SDK2: variants seen among roughly 807,000 people sequenced by gnomAD.
The protein encoded by SDK2 is protein sidekick-2.
In SDK2, 105 loss-of-function variants were observed where a neutral mutation model predicts 253.9. The ratio of observed to expected loss-of-function variants is 0.41; its 90% CI spans 0.35 to 0.49. The LOEUF is 0.49. Ranked by LOEUF, SDK2 falls within the 20% of genes least tolerant of loss-of-function variation. SDK2 has a pLI of 0.06. For synonymous variants in SDK2, 1,249 were observed against 1,234.9 expected (o/e 1.01, Z -0.24); for missense variants, 2,608 against 3,003.0 (o/e 0.87, Z 3.07).
chr17:73,445,203 A>G (rs2063444883), intron 5 of SDK2, among the ~76,000 whole-genome samples: 1 of 152,236 alleles, frequency 6.6e-6, no homozygotes, highest in Non-Finnish European at 1.5e-5. Flanking sequence ...AACCAATGGA[A>G]GATATCCCAT....
intron 1 of SDK2, among the ~76,000 whole-genome samples, chr17:73,562,972 C>T (rs747668821): frequency 2.0e-5 from 3 of 152,186 alleles, no homozygotes; most frequent in South Asian, 2.1e-4. Context: ...CAGTCTGACT[C>T]GGACCTGGGC....
chr17:73,537,572 T>G (rs2044798047), intron 1 of SDK2, among the ~76,000 whole-genome samples: 2 of 145,370 alleles, frequency 1.4e-5, no homozygotes, highest in African/African-American at 2.5e-5. Context: ...GCCTGGAGGG[T>G]GGGGGCTGGG....
intron 2 of SDK2, among the ~76,000 whole-genome samples, chr17:73,483,661 GTATATATA>G (rs61050632): frequency 0.069 from 4,802 of 70,042 alleles, 668 homozygotes; most frequent in East Asian, 0.2. Context: ...GTGTGTGTGT[GTATATATA>G]TATATATATA....
At position 73,337,503 on chromosome 17, in the gene SDK2, A is replaced by ATGTGTGTGTG. The variant is rs4035979; in HGVS notation, c.*1074_*1083dup. ...CCTGTTCCTTGTAAGTGCATGGGAG[A>ATGTGTGTGTG]TGTGTGTGTGTGTGTGTGTGTGGTG... On this transcript the variant is annotated 3_prime_UTR_variant, in exon 45 of 45. Coordinates refer to ENST00000392650, the MANE Select transcript of SDK2 (RefSeq NM_001144952.2). 6.7e-5 allele frequency: 10 copies of ATGTGTGTGTG among 148,194 alleles called. No homozygotes were observed. Among genetic ancestry groups the ATGTGTGTGTG allele is most frequent in the African/African-American group, 2.5e-4 (10 of 40,232 alleles). The allele number at this position is 148,194 out of a possible 1,614,324, so 9.2% of individuals were successfully genotyped here. A position where few individuals can be genotyped will look rare whatever the true frequency, so the allele number is the denominator to read the frequency against.
At position 73,402,153 on chromosome 17, in the gene SDK2, C is replaced by T. The variant is rs1372219929; in HGVS notation, c.2485-12G>A. 1.2e-6 allele frequency: 2 copies of T among 1,610,162 alleles called. No individual in the cohort carries two copies. The highest frequency in any genetic ancestry group is 3.3e-5 in the Admixed American group (2 of 59,914). On this transcript the variant is annotated splice_polypyrimidine_tract_variant and intron_variant, in intron 18 of 44. Transcript: ENST00000392650. ...TCCCAGGCGATCAGCTGCGGAGAGG[C>T]GAGCAAGTCACACAGGGCAGCAGGA...
chr17:73,497,378 C>G (rs1344457398), intron 2 of SDK2, among the ~76,000 whole-genome samples: 2 of 152,206 alleles, frequency 1.3e-5, no homozygotes, highest in African/African-American at 2.4e-5. Flanking sequence ...GGTGGGACCA[C>G]AGAGCCCTTT....
chr17:73,431,411 G>A lies in SDK2; in HGVS notation c.1480+91C>T. On this transcript the variant is annotated intron_variant, in intron 11 of 44. Coordinates refer to ENST00000392650, the MANE Select transcript of SDK2 (RefSeq NM_001144952.2). This position sits in a 1 kb window ranked among gnomAD's most constrained non-coding sequence, Gnocchi z 5.6. ...ATGGAGACACTGGTGGTATGAGCCT[G>A]TGCCCCGTAGCTGTCCTGAGTCCTC... 1 of 1,285,438 alleles carries A rather than the reference G, an allele frequency of 7.8e-7. No individual in the cohort carries two copies. Among genetic ancestry groups the A allele is most frequent in the Non-Finnish European group, 1.1e-6 (1 of 935,660 alleles). 79.6% of individuals were successfully genotyped at this position (1,285,438 alleles called of 1,614,324 possible). A position where few individuals can be genotyped will look rare whatever the true frequency, so the allele number is the denominator to read the frequency against.
In SDK2 at chr17:73,644,224, T is replaced by C. The variant is rs1022748217; in HGVS notation, c.-136A>G. 60 of 715,782 alleles carry C rather than the reference T, an allele frequency of 8.4e-5. No individual in the cohort carries two copies. The African/African-American group carries it at 1.0e-3, about 12-fold the overall frequency. 44.3% of individuals were successfully genotyped at this position (715,782 alleles called of 1,614,324 possible). A position where few individuals can be genotyped will look rare whatever the true frequency, so the allele number is the denominator to read the frequency against. ...CGCGGCTCCGTGCCCCGGGGTGTAATATGCCCGGGAGGGGCAGCGCTTGGC... is the reference window on the plus strand; with the variant it reads ...CGCGGCTCCGTGCCCCGGGGTGTAACATGCCCGGGAGGGGCAGCGCTTGGC... On this transcript the variant is annotated 5_prime_UTR_variant, in exon 1 of 45. It adds an upstream start codon to the 5' untranslated region. Coordinates refer to ENST00000392650, the MANE Select transcript of SDK2 (RefSeq NM_001144952.2). This position sits in a 1 kb window ranked among gnomAD's most constrained non-coding sequence, Gnocchi z 6.3.
Position 73,447,468 on chromosome 17 carries a change from TC to T in SDK2, c.613+146del, listed in dbSNP as rs1484724875. 8.5e-7 allele frequency: 1 copy of T among 1,171,546 alleles called. No homozygotes were observed. The highest frequency in any genetic ancestry group is 1.2e-6 in the Non-Finnish European group (1 of 826,374). 72.6% of individuals were successfully genotyped at this position (1,171,546 alleles called of 1,614,324 possible). On this transcript the variant is annotated intron_variant, in intron 5 of 44. Transcript: ENST00000392650. The surrounding 1 kb of genome is among the most constrained non-coding windows in gnomAD (Gnocchi z 4.0). Reference sequence around the variant, plus strand: ...GCACCCCTGGCTCTGCTGTGTCTCGTCCTCCTTGGGAAGGCTCCCCCCGGCC... The same window carrying T: ...GCACCCCTGGCTCTGCTGTGTCTCGTCTCCTTGGGAAGGCTCCCCCCGGCC...
chr17:73,486,480 T>C (rs2063769985), intron 2 of SDK2, among the ~76,000 whole-genome samples: 1 of 151,890 alleles, frequency 6.6e-6, no homozygotes, highest in Non-Finnish European at 1.5e-5. Flanking sequence ...TGTGGAGGTA[T>C]GTGCTTGTAG....
chr17:73,398,508 C>T (rs752222365), intron 22 of SDK2, 79 bp from the exon 23 acceptor site: 12 of 1,269,286 alleles, frequency 9.5e-6, no homozygotes, highest in Non-Finnish European at 1.3e-5. Flanking sequence ...ACAAGCCCTG[C>T]CAGGGAAGAA....
chr17:73,561,381 G>C (rs1461514991), intron 1 of SDK2, among the ~76,000 whole-genome samples: 7 of 152,230 alleles, frequency 4.6e-5, no homozygotes, highest in Non-Finnish European at 8.8e-5. Flanking sequence ...AGGGTAGGGA[G>C]AGAAGACGTC....
At chr17:73,371,074 TA>T (rs1212059396) in intron 36 of SDK2, among the ~76,000 whole-genome samples, 4 of 151,974 alleles carry the variant, frequency 2.6e-5, no homozygotes, top group African/African-American at 9.7e-5. Context: ...TAAAATAACA[TA>T]AAAATAACGA....
At chr17:73,372,497 A>G (rs559310747) in intron 36 of SDK2, among the ~76,000 whole-genome samples, 1 of 152,314 alleles carries the variant, frequency 6.6e-6, no homozygotes, top group South Asian at 2.1e-4. Context: ...GCACCATTAT[A>G]ATCACGAACC....
chr17:73,355,685 T>C (rs749805202), intron 40 of SDK2, among the ~76,000 whole-genome samples: 6 of 152,104 alleles, frequency 3.9e-5, no homozygotes, highest in Non-Finnish European at 7.4e-5. Context: ...TCTTTCCCCT[T>C]TGCTGGCTGT....
intron 1 of SDK2, among the ~76,000 whole-genome samples, chr17:73,515,009 T>C (rs2064013305): frequency 6.6e-6 from 1 of 152,198 alleles, no homozygotes; most frequent in Non-Finnish European, 1.5e-5. Context: ...TCCAAACTTC[T>C]AGTCTTGCTG....
At chr17:73,402,286 T>C in intron 18 of SDK2, 145 bp from the exon 19 acceptor site, 1 of 826,006 alleles carries the variant, frequency 1.2e-6, no homozygotes, top group Non-Finnish European at 1.9e-6. Context: ...GGACAGGCAG[T>C]GCAGGGAACC....
In SDK2 at chr17:73,361,819, C is replaced by T. The variant is rs143420601; in HGVS notation, c.5332G>A (p.Val1778Met). The T allele has an allele frequency of 6.6e-5, 105 of 1,602,958 alleles. No individual in the cohort carries two copies. The African/African-American group carries it at 1.2e-3, about 18-fold the overall frequency. Residue 1778 changes from valine (V) to methionine (M), a missense_variant, in exon 39 of 45, where the codon GTG becomes ATG. Physicochemically the swap from Val to Met is conservative, Grantham distance 21. Transcript: ENST00000392650. The surrounding 1 kb of genome is among the most constrained non-coding windows in gnomAD (Gnocchi z 4.1). Reference sequence around the variant, plus strand: ...AGCCACAGGGGGCTGTTCCCCTTCACGTCCACGGTCACGATCTTGCTGACT... The same window carrying T: ...AGCCACAGGGGGCTGTTCCCCTTCATGTCCACGGTCACGATCTTGCTGACT... ...DGVSKIVTVD[V>M]KGNSPLWLKV...
Position 73,390,403 on chromosome 17 carries a change from T to G in SDK2, c.4076A>C (p.Gln1359Pro). The change falls in exon 29 of 45, where the codon CAG (glutamine) becomes CCG (proline). Residue 1359 changes from glutamine to proline, a missense_variant. Coordinates refer to ENST00000392650, the MANE Select transcript of SDK2 (RefSeq NM_001144952.2). Reference sequence around the variant, plus strand: ...TGGCTTGAGGCCCGTGGCTGTGTACTGCCGGGCGCTGGGTGCCAGCACCTC... The same window carrying G: ...TGGCTTGAGGCCCGTGGCTGTGTACGGCCGGGCGCTGGGTGCCAGCACCTC... The part of the protein sequence containing the change: ...TVEVLAPSAR[Q>P]YTATGLKPES... 1 of 1,612,760 alleles carries G rather than the reference T, an allele frequency of 6.2e-7. No homozygotes were observed. Among genetic ancestry groups the G allele is most frequent in the Non-Finnish European group, 8.5e-7 (1 of 1,179,576 alleles).
Sources: gnomAD v4.1 joint callset for allele counts (sites outside exome capture counted in the v4.1 genomes callset) on GRCh38, gnomAD v4.1.1 for gene constraint, Gnocchi (gnomAD v3.1) non-coding constraint, MANE v1.5 for transcripts, NCBI Gene and HGNC (gene_info 2026-07-23, HGNC 2026-07-21) for gene names.